CACNA2D3: variants seen among roughly 807,000 people sequenced by gnomAD.
The protein encoded by CACNA2D3 is calcium voltage-gated channel auxiliary subunit alpha2delta 3.
Under a neutral mutation model 160.6 loss-of-function variants are expected in CACNA2D3, and 60 were observed. The observed-to-expected ratio is 0.37, with a 90% CI of 0.30 to 0.46. The LOEUF (loss-of-function observed/expected upper bound fraction) is 0.46. Among genes scored for constraint, CACNA2D3 ranks in the 20% least tolerant of loss-of-function variants. The probability of loss-of-function intolerance (pLI) is 1.00; values close to 1 mark genes in which losing one functional copy is unlikely to be tolerated. For synonymous variants in CACNA2D3, 558 were observed against 492.9 expected (o/e 1.13, Z -1.75); for missense variants, 1,205 against 1,365.0 (o/e 0.88, Z 1.85).
At chr3:54,722,924 A>T (rs1301360572) in intron 11 of CACNA2D3, among the ~76,000 whole-genome samples, 2 of 152,194 alleles carry the variant, frequency 1.3e-5, no homozygotes, top group African/African-American at 4.8e-5. Flanking sequence ...CGAACGCCGT[A>T]CTGGGAGGTC....
At chr3:54,442,851 C>T (rs1399335342) in intron 4 of CACNA2D3, among the ~76,000 whole-genome samples, 7 of 152,180 alleles carry the variant, frequency 4.6e-5, no homozygotes, top group Admixed American at 1.3e-4. Flanking sequence ...TCGTACCCGT[C>T]GCCAGCCTCT....
At chr3:54,470,488 T>C (rs1700711162) in intron 4 of CACNA2D3, among the ~76,000 whole-genome samples, 1 of 152,100 alleles carries the variant, frequency 6.6e-6, no homozygotes, top group Non-Finnish European at 1.5e-5. Context: ...ACATACCCAG[T>C]TGTAAAGACT....
At chr3:54,249,025 G>A (rs1484739970) in intron 2 of CACNA2D3, among the ~76,000 whole-genome samples, 2 of 152,166 alleles carry the variant, frequency 1.3e-5, no homozygotes, top group Non-Finnish European at 2.9e-5. Flanking sequence ...CTCTTGTCAT[G>A]TAATGTAAGA....
intron 2 of CACNA2D3, among the ~76,000 whole-genome samples, chr3:54,198,358 G>T (rs975550279): frequency 2.0e-4 from 30 of 152,282 alleles, no homozygotes; most frequent in African/African-American, 7.0e-4. Context: ...CTTCTTCTAG[G>T]AGCTACCTAG....
intron 4 of CACNA2D3, among the ~76,000 whole-genome samples, chr3:54,462,734 G>C (rs1184167976): frequency 1.3e-5 from 2 of 152,130 alleles, no homozygotes; most frequent in Non-Finnish European, 2.9e-5. Flanking sequence ...TATCCAATTT[G>C]CCAGTCTGTG....
intron 10 of CACNA2D3, among the ~76,000 whole-genome samples, chr3:54,629,384 A>G (rs950363058): frequency 1.1e-4 from 17 of 152,302 alleles, no homozygotes; most frequent in African/African-American, 4.1e-4. Flanking sequence ...AAGAAAGGCT[A>G]GGCCCTAATT....
rs1205460988 is a variant in CACNA2D3, at chr3:54,736,100, C to CATATAT, written c.1168-16496_1168-16491dup. ...ATATATATGTATGTGTATATATATACATATATATGTATATATATACATATA... is the reference window on the plus strand; with the variant it reads ...ATATATATGTATGTGTATATATATACATATATATATATATGTATATATATACATATA... On this transcript the variant is annotated intron_variant, in intron 11 of 37. Coordinates refer to ENST00000474759, the MANE Select transcript of CACNA2D3 (RefSeq NM_018398.3). Among the ~76,000 whole-genome samples, 13 of 47,908 alleles carry CATATAT rather than the reference C, an allele frequency of 2.7e-4. 2 individuals are homozygous for CATATAT. The highest frequency in any genetic ancestry group is 2.5e-3 in the East Asian group (5 of 1,970). The allele number at this position is 47,908 out of a possible 152,430, so 31.4% of individuals were successfully genotyped here.
At chr3:54,267,953 T>G (rs1702551314) in intron 2 of CACNA2D3, among the ~76,000 whole-genome samples, 1 of 152,196 alleles carries the variant, frequency 6.6e-6, no homozygotes, top group East Asian at 1.9e-4. Flanking sequence ...GGTGTTTTTT[T>G]GTAATGTTTA....
At chr3:54,783,717 A>T (rs867676192) in intron 13 of CACNA2D3, among the ~76,000 whole-genome samples, 1 of 152,234 alleles carries the variant, frequency 6.6e-6, no homozygotes, top group Non-Finnish European at 1.5e-5. Context: ...AAGGTAGGAA[A>T]CTTTAAATTT....
intron 13 of CACNA2D3, among the ~76,000 whole-genome samples, chr3:54,811,310 G>T (rs553140488): frequency 2.8e-4 from 42 of 152,010 alleles, no homozygotes; most frequent in African/African-American, 9.4e-4. Context: ...TGGCAGCTCT[G>T]TTTTTGCATT....
At chr3:54,207,607 C>A (rs1377876668) in intron 2 of CACNA2D3, among the ~76,000 whole-genome samples, 2 of 152,186 alleles carry the variant, frequency 1.3e-5, no homozygotes, top group Non-Finnish European at 1.5e-5. Flanking sequence ...AGGTAGCAGT[C>A]TTCCAAGCCA....
At chr3:54,248,614 A>T (rs1328536887) in intron 2 of CACNA2D3, among the ~76,000 whole-genome samples, 1 of 152,328 alleles carries the variant, frequency 6.6e-6, no homozygotes, top group South Asian at 2.1e-4. Flanking sequence ...AGACCATGTG[A>T]GGACACAGCA....
At chr3:54,205,023 ATAAAG>A (rs991175186) in intron 2 of CACNA2D3, among the ~76,000 whole-genome samples, 1 of 152,196 alleles carries the variant, frequency 6.6e-6, no homozygotes, top group African/African-American at 2.4e-5. Context: ...TGGTCTGGAG[ATAAAG>A]TTAAGAACAT....
chr3:54,818,930 C>T (rs1007685609), intron 14 of CACNA2D3, among the ~76,000 whole-genome samples: 1 of 152,136 alleles, frequency 6.6e-6, no homozygotes, highest in African/African-American at 2.4e-5. Flanking sequence ...GAACGTAAAC[C>T]TCAGGTATCT....
At chr3:54,301,672 T>C (rs1205349458) in intron 2 of CACNA2D3, among the ~76,000 whole-genome samples, 1 of 152,192 alleles carries the variant, frequency 6.6e-6, no homozygotes, top group Non-Finnish European at 1.5e-5. Context: ...TGGTTCCACT[T>C]TTCCTTGTTC....
At chr3:54,865,051 C>T (rs1699369197) in intron 17 of CACNA2D3, among the ~76,000 whole-genome samples, 1 of 152,186 alleles carries the variant, frequency 6.6e-6, no homozygotes, top group African/African-American at 2.4e-5. Flanking sequence ...GGAAACTGCC[C>T]AGTGGGGGAA....
chr3:54,477,356 G>A (rs937755072), intron 4 of CACNA2D3, among the ~76,000 whole-genome samples: 2 of 151,986 alleles, frequency 1.3e-5, no homozygotes, highest in Admixed American at 6.6e-5. Flanking sequence ...CATGCATTGC[G>A]AATCTAGGAC....
At chr3:54,305,942 A>G (rs1418490682) in intron 2 of CACNA2D3, among the ~76,000 whole-genome samples, 1 of 152,194 alleles carries the variant, frequency 6.6e-6, no homozygotes, top group African/African-American at 2.4e-5. Flanking sequence ...CATCCTGGAC[A>G]CTGACGATAA....
intron 4 of CACNA2D3, among the ~76,000 whole-genome samples, chr3:54,412,051 A>G (rs1354607639): frequency 6.6e-6 from 1 of 152,188 alleles, no homozygotes; most frequent in Non-Finnish European, 1.5e-5. Context: ...TAACATCATA[A>G]ATTAGTTTTA....
Sources: gnomAD v4.1 joint callset for allele counts (sites outside exome capture counted in the v4.1 genomes callset) on GRCh38, gnomAD v4.1.1 for gene constraint, MANE v1.5 for transcripts, NCBI Gene and HGNC (gene_info 2026-07-23, HGNC 2026-07-21) for gene names.